The following INO80E variants were observed in gnomAD, a reference collection of about 807,000 sequenced individuals.
INO80E encodes the protein coiled-coil domain containing 95.
A neutral mutation model predicts 27.3 loss-of-function variants in INO80E; 20 were observed. The observed-to-expected ratio is 0.73, with a 90% CI of 0.51 to 1.06. INO80E has a LOEUF of 1.06. Ranked by LOEUF, INO80E falls within the 50% of genes least tolerant of loss-of-function variation. The pLI is 0.00. For synonymous variants in INO80E, 167 were observed against 145.9 expected (o/e 1.14, Z -1.04); for missense variants, 357 against 322.8 (o/e 1.11, Z -0.81).
At chr16:29,997,357 C>T (rs2070168308) in intron 3 of INO80E, among the ~76,000 whole-genome samples, 1 of 152,004 alleles carries the variant, frequency 6.6e-6, no homozygotes, top group Non-Finnish European at 1.5e-5. Context: ...ATGAGTATGG[C>T]TATGTTTCTA....
Position 30,003,056 on chromosome 16 carries a change from A to C in INO80E, c.513+1526A>C. On this transcript the variant is annotated intron_variant, in intron 6 of 6. Transcript: ENST00000563197. The surrounding 1 kb of genome is among the most constrained non-coding windows in gnomAD (Gnocchi z 4.4). ...GGTTCTTAGCAGGGGGGTGGCGGGC[A>C]GGGTAGGGGGTGGCGCAGCACTGGG... 1 of 120,568 alleles carries C rather than the reference A, an allele frequency of 8.3e-6. No individual in the cohort carries two copies. Among genetic ancestry groups the C allele is most frequent in the Non-Finnish European group, 1.7e-5 (1 of 57,230 alleles). The allele number at this position is 120,568 out of a possible 1,614,324, so 7.5% of individuals were successfully genotyped here. A position where few individuals can be genotyped will look rare whatever the true frequency, so the allele number is the denominator to read the frequency against.
intron 6 of INO80E, 106 bp from the exon 7 acceptor site, chr16:30,005,115 G>A (rs1263703608): frequency 1.4e-5 from 18 of 1,275,848 alleles, no homozygotes; most frequent in Non-Finnish European, 1.9e-5. Context: ...GCTGTGCCCA[G>A]GGCCTCTTCC....
Position 30,000,804 on chromosome 16 carries a change from A to G in INO80E, c.252A>G (p.Thr84=). The change falls in exon 4 of 7, where the codon ACA becomes ACG. Residue 84 remains threonine, a synonymous_variant. Transcript: ENST00000563197. Reference sequence around the variant, plus strand: ...CAGATAACAGCGAGACGGAGGGGACACCCAAGTTGTCTGACACACCGGCCC... The same window carrying G: ...CAGATAACAGCGAGACGGAGGGGACGCCCAAGTTGTCTGACACACCGGCCC... The part of the protein sequence containing the change: ...ASSDNSETEG[T]PKLSDTPAPK... The G allele has an allele frequency of 6.2e-7, 1 of 1,614,146 alleles. No individual in the cohort carries two copies. The highest frequency in any genetic ancestry group is 8.5e-7 in the Non-Finnish European group (1 of 1,180,014).
At chr16:29,997,252 G>A (rs1224969285) in intron 3 of INO80E, among the ~76,000 whole-genome samples, 1 of 152,188 alleles carries the variant, frequency 6.6e-6, no homozygotes, top group Non-Finnish European at 1.5e-5. Context: ...TCTGCAAAGG[G>A]CCAGATGGTA....
rs2070421355 is a variant in INO80E at position 30,003,473 on chromosome 16, G to A, written c.514-1748G>A. 6.6e-6 allele frequency: 1 copy of A among 152,352 alleles called. No individual in the cohort carries two copies. The highest frequency in any genetic ancestry group is 6.5e-5 in the Admixed American group (1 of 15,290). The allele number at this position is 152,352 out of a possible 1,614,324, so 9.4% of individuals were successfully genotyped here. A position where few individuals can be genotyped will look rare whatever the true frequency, so the allele number is the denominator to read the frequency against. On this transcript the variant is annotated intron_variant, in intron 6 of 6. Coordinates refer to ENST00000563197, the MANE Select transcript of INO80E (RefSeq NM_173618.3). The surrounding 1 kb of genome is among the most constrained non-coding windows in gnomAD (Gnocchi z 4.4). ...CCCTGAAGGGCCAGGGGAGTGAGGA[G>A]ATGGAAGGAAGGGAGTCCAAGCAGA...
chr16:30,001,744 C>T lies in INO80E; in HGVS notation c.513+214C>T, dbSNP rs1041166134. On this transcript the variant is annotated intron_variant, in intron 6 of 6. Coordinates refer to ENST00000563197, the MANE Select transcript of INO80E (RefSeq NM_173618.3). ...AACCAGCCTTGGAGGACCCGGTGTGCAGATGCCAGGGATCCCGCCCTTTCA... is the reference window on the plus strand; with the variant it reads ...AACCAGCCTTGGAGGACCCGGTGTGTAGATGCCAGGGATCCCGCCCTTTCA... 7.7e-6 allele frequency: 4 copies of T among 522,660 alleles called. No homozygotes were observed. The South Asian group carries it at 1.1e-4, about 14-fold the overall frequency. 32.4% of individuals were successfully genotyped at this position (522,660 alleles called of 1,614,324 possible). A position where few individuals can be genotyped will look rare whatever the true frequency, so the allele number is the denominator to read the frequency against.
rs747901598 is a variant in INO80E, at chr16:29,996,378, A to G, written c.68A>G (p.Lys23Arg). The G allele has an allele frequency of 3.1e-6, 5 of 1,593,398 alleles. No homozygotes were observed. The African/African-American group carries it at 6.7e-5, about 21-fold the overall frequency. ...KKYRNLKRKL[K>R]FLIYEHECFQ... ...TACCGGAATCTGAAGCGGAAGCTCA[A>G]GTTCCTCATCTACGTGAGTGCTGCC... The change falls in exon 1 of 7, where the codon AAG (lysine) becomes AGG (arginine). Residue 23 changes from lysine (K) to arginine (R), a missense_variant. Coordinates refer to ENST00000563197, the MANE Select transcript of INO80E (RefSeq NM_173618.3).
Position 30,005,347 on chromosome 16 carries a change from C to T in INO80E, c.640C>T (p.Leu214=). The change falls in exon 7 of 7, where the codon CTG becomes TTG. Residue 214 remains leucine (L), a synonymous_variant. Transcript: ENST00000563197. Reference sequence around the variant, plus strand: ...CCCTAAGATGCCCCCCCCCACGATCCTGAGCACGGTCCCTCGGCAGATGTT... The same window carrying T: ...CCCTAAGATGCCCCCCCCCACGATCTTGAGCACGGTCCCTCGGCAGATGTT... ...PPPKMPPPTI[L]STVPRQMFSD... 1 of 1,518,216 alleles carries T rather than the reference C, an allele frequency of 6.6e-7. No homozygotes were observed. The highest frequency in any genetic ancestry group is 1.3e-5 in the South Asian group (1 of 79,062). 94.0% of individuals were successfully genotyped at this position (1,518,216 alleles called of 1,614,324 possible).
chr16:29,997,234 G>A (rs1044702262), intron 3 of INO80E, among the ~76,000 whole-genome samples: 2 of 152,206 alleles, frequency 1.3e-5, no homozygotes, highest in African/African-American at 4.8e-5. Flanking sequence ...AGGGGTTGAT[G>A]AATTGTTTCT....
At chr16:30,000,638 T>C (rs182588942) in intron 3 of INO80E, 120 bp from the exon 4 acceptor site, 5 of 752,932 alleles carry the variant, frequency 6.6e-6, no homozygotes, top group Middle Eastern at 3.2e-4. Context: ...GTGCTGGGAT[T>C]CCAGGCGTGA....
chr16:30,004,961 G>GT (rs1382835177), intron 6 of INO80E, among the ~76,000 whole-genome samples: 1 of 152,130 alleles, frequency 6.6e-6, no homozygotes, highest in Admixed American at 6.5e-5. Flanking sequence ...GAGAGGGCAG[G>GT]TGCCCGGGCC....
At chr16:29,999,896 G>A (rs879837937) in intron 3 of INO80E, among the ~76,000 whole-genome samples, 2 of 152,088 alleles carry the variant, frequency 1.3e-5, no homozygotes, top group South Asian at 2.1e-4. Flanking sequence ...TGATTTTGAC[G>A]TGCTGGTGGC....
At chr16:29,997,691 T>A (rs1394183011) in intron 3 of INO80E, among the ~76,000 whole-genome samples, 1 of 151,228 alleles carries the variant, frequency 6.6e-6, no homozygotes, top group Non-Finnish European at 1.5e-5. Flanking sequence ...GAGGCAGAGG[T>A]TGCAGTGAGC....
chr16:29,997,704 A>G (rs2070185879), intron 3 of INO80E, among the ~76,000 whole-genome samples: 1 of 151,174 alleles, frequency 6.6e-6, no homozygotes, highest in Admixed American at 6.6e-5. Context: ...CAGTGAGCCG[A>G]GATCGCTGCC....
intron 3 of INO80E, among the ~76,000 whole-genome samples, 200 bp downstream of exon 3, chr16:29,997,060 CAG>C (rs1338383549): frequency 6.6e-6 from 1 of 152,192 alleles, no homozygotes; most frequent in Non-Finnish European, 1.5e-5. Flanking sequence ...GTGCTTGGCA[CAG>C]GGGATACAGC....
intron 5 of INO80E, 100 bp downstream of exon 5, chr16:30,001,140 C>T (rs977673076): frequency 6.8e-7 from 1 of 1,472,300 alleles, no homozygotes; most frequent in African/African-American, 1.4e-5. Context: ...ACTTTGGGGA[C>T]ATCTGTCTGG....
Position 29,996,402 on chromosome 16 carries a change from C to G in INO80E, c.81+11C>G. On this transcript the variant is annotated intron_variant, in intron 1 of 6. Coordinates refer to ENST00000563197, the MANE Select transcript of INO80E (RefSeq NM_173618.3). Reference sequence around the variant, plus strand: ...AAGTTCCTCATCTACGTGAGTGCTGCCGCGGGAAGGCTGTGGGGGATGAGG... The same window carrying G: ...AAGTTCCTCATCTACGTGAGTGCTGGCGCGGGAAGGCTGTGGGGGATGAGG... The G allele has an allele frequency of 6.3e-7, 1 of 1,581,316 alleles. No individual in the cohort carries two copies. Among genetic ancestry groups the G allele is most frequent in the Non-Finnish European group, 8.6e-7 (1 of 1,163,030 alleles).
In INO80E at chr16:29,996,392, G is replaced by C. The variant is rs138323499; in HGVS notation, c.81+1G>C. 3.2e-4 allele frequency: 505 copies of C among 1,587,094 alleles called. No homozygotes were observed. Among genetic ancestry groups the C allele is most frequent in the Non-Finnish European group, 4.1e-4 (479 of 1,166,298 alleles). On this transcript the variant is annotated splice_donor_variant, in intron 1 of 6. Transcript: ENST00000563197. LOFTEE classifies it high-confidence loss of function. ...GCGGAAGCTCAAGTTCCTCATCTACGTGAGTGCTGCCGCGGGAAGGCTGTG... is the reference window on the plus strand; with the variant it reads ...GCGGAAGCTCAAGTTCCTCATCTACCTGAGTGCTGCCGCGGGAAGGCTGTG...
intron 3 of INO80E, among the ~76,000 whole-genome samples, chr16:29,998,009 G>A (rs1949828522): frequency 6.6e-6 from 1 of 152,074 alleles, no homozygotes; most frequent in Non-Finnish European, 1.5e-5. Flanking sequence ...TTGCCTGAAA[G>A]GTCAAGGCTG....
Sources: allele counts gnomAD v4.1 joint callset (sites outside exome capture counted in the v4.1 genomes callset), GRCh38; gene constraint gnomAD v4.1.1; non-coding constraint Gnocchi (gnomAD v3.1); transcripts MANE v1.5; gene names NCBI Gene and HGNC (gene_info 2026-07-23, HGNC 2026-07-21).